FER1L5: variants seen among roughly 807,000 people sequenced by gnomAD.
FER1L5 encodes the protein fer-1-like protein 5.
FER1L5 carries 187 observed loss-of-function variants against 279.9 expected under a neutral mutation model. That is an observed-to-expected ratio of 0.67 (90% confidence interval 0.59 to 0.75). FER1L5 has a LOEUF of 0.75. FER1L5 is among the 30% of genes least tolerant of loss of function. The probability of loss-of-function intolerance (pLI) is 0.00; values close to 1 mark genes in which losing one functional copy is unlikely to be tolerated. For synonymous variants in FER1L5, 921 were observed against 989.7 expected, an observed-to-expected ratio of 0.93 and a Z score of 1.30; for missense variants, 2,091 against 2,594.4, an observed-to-expected ratio of 0.81 and a Z score of 4.21.
intron 45 of FER1L5, among the ~76,000 whole-genome samples, chr2:96,700,680 G>A (rs2077557875): frequency 6.6e-6 from 1 of 152,190 alleles, no homozygotes; most frequent in Non-Finnish European, 1.5e-5. Context: ...TTCAGAGCTG[G>A]AAAGGTCATC....
chr2:96,698,434 G>A lies in FER1L5; in HGVS notation c.4357-237G>A, dbSNP rs143253130. Among the ~76,000 whole-genome samples, 15 of 152,172 alleles carry A rather than the reference G, an allele frequency of 9.9e-5. No homozygotes were observed. The highest frequency in any genetic ancestry group is 2.6e-4 in the African/African-American group (11 of 41,528). On this transcript the variant is annotated intron_variant, in intron 40 of 52. Coordinates refer to ENST00000624922, the MANE Select transcript of FER1L5 (RefSeq NM_001293083.2). The surrounding 1 kb of genome is among the most constrained non-coding windows in gnomAD (Gnocchi z 5.5). ...AGATGGGGTGGAATGAGTCCACAGC[G>A]GCACAGACGGGGAACTCACCTACTG...
intron 18 of FER1L5, among the ~76,000 whole-genome samples, chr2:96,671,599 A>G (rs2076332054): frequency 6.6e-6 from 1 of 152,366 alleles, no homozygotes; most frequent in South Asian, 2.1e-4. Context: ...GGAGCCTACT[A>G]GACACAGGGA....
At chr2:96,692,548 C>T (rs889421962) in intron 31 of FER1L5, among the ~76,000 whole-genome samples, 1 of 152,166 alleles carries the variant, frequency 6.6e-6, no homozygotes, top group African/African-American at 2.4e-5. Context: ...GGCCACTTAG[C>T]TGGGCATGGA....
At chr2:96,684,816 G>A (rs1292587163) in intron 20 of FER1L5, among the ~76,000 whole-genome samples, 2 of 152,126 alleles carry the variant, frequency 1.3e-5, no homozygotes, top group African/African-American at 2.4e-5. Flanking sequence ...ACATCAGCAG[G>A]GTTTTGAAGA....
chr2:96,666,962 C>T (rs2076147959), intron 14 of FER1L5, among the ~76,000 whole-genome samples: 1 of 151,976 alleles, frequency 6.6e-6, no homozygotes, highest in African/African-American at 2.4e-5. Flanking sequence ...TCTTTTCTTT[C>T]TTTCTTTTTA....
intron 18 of FER1L5, among the ~76,000 whole-genome samples, chr2:96,671,999 T>G (rs1446307683): frequency 6.6e-6 from 1 of 151,062 alleles, no homozygotes; most frequent in Admixed American, 6.6e-5. Flanking sequence ...CTTGGGAGGC[T>G]GAGATAGGAG....
At chr2:96,671,125 A>AAAAAAAAAAAAAAT (rs2076314232) in intron 18 of FER1L5, among the ~76,000 whole-genome samples, 1 of 150,546 alleles carries the variant, frequency 6.6e-6, no homozygotes, top group Non-Finnish European at 1.5e-5. Flanking sequence ...AAAAAAAAAA[A>AAAAAAAAAAAAAAT]AAAGGAATCC....
At chr2:96,699,003 C>T (rs1179587183) in intron 41 of FER1L5, 42 bp from the exon 42 acceptor site, 3 of 1,571,530 alleles carry the variant, frequency 1.9e-6, no homozygotes, top group South Asian at 2.3e-5. Context: ...CCTGGACGGC[C>T]TCCCCAGTTC....
intron 9 of FER1L5, among the ~76,000 whole-genome samples, chr2:96,655,455 A>G (rs752695316): frequency 6.6e-6 from 1 of 152,216 alleles, no homozygotes. Flanking sequence ...ACGTATGTGT[A>G]TTAAGAAAGT....
intron 9 of FER1L5, among the ~76,000 whole-genome samples, chr2:96,659,935 A>G (rs2075894777): frequency 1.3e-5 from 2 of 152,188 alleles, no homozygotes; most frequent in South Asian, 2.1e-4. Flanking sequence ...GTCAGAAACT[A>G]TCTCCAAGGG....
At position 96,673,227 on chromosome 2, in the gene FER1L5, A is replaced by T. The variant is rs1164223109; in HGVS notation, c.1642A>T (p.Thr548Ser). The T allele has an allele frequency of 6.4e-7, 1 of 1,551,602 alleles. No individual in the cohort carries two copies. The highest frequency in any genetic ancestry group is 8.7e-7 in the Non-Finnish European group (1 of 1,146,942). The change falls in exon 19 of 53, where the codon ACA becomes TCA. Residue 548 changes from threonine to serine, a missense_variant. Physicochemically the swap from Thr to Ser is moderately conservative, Grantham distance 58. Transcript: ENST00000624922. ...DLNYKPLVSS[T>S]PYSPVIYDGN... ...GAATTACAAGCCTCTAGTCTCAAGC[A>T]CACCGTACAGCCCAGTGATATATGA...
chr2:96,693,972 A>T lies in FER1L5; in HGVS notation c.3536A>T (p.Asp1179Val). 1 of 1,551,622 alleles carries T rather than the reference A, an allele frequency of 6.4e-7. No individual in the cohort carries two copies. ...CCAATGGTCTGGCTGGATCTCCAGGACCGGATCCTGCCCCCCATGAGGTGG... is the reference window on the plus strand; with the variant it reads ...CCAATGGTCTGGCTGGATCTCCAGGTCCGGATCCTGCCCCCCATGAGGTGG... ...WPPMVWLDLQ[D>V]RILPPMRWHP... is the part of the protein sequence containing the mutation. The change falls in exon 33 of 53, where the codon GAC becomes GTC. Residue 1179 changes from aspartate to valine, a missense_variant. Transcript: ENST00000624922.
chr2:96,650,138 G>T, intron 5 of FER1L5, 42 bp from the exon 6 acceptor site: 1 of 1,467,240 alleles, frequency 6.8e-7, no homozygotes, highest in East Asian at 2.5e-5. Context: ...AAACCTCCTG[G>T]GCCCCAGGCC....
Position 96,691,260 on chromosome 2 carries a change from C to A in FER1L5, c.2814C>A (p.Tyr938Ter), listed in dbSNP as rs1310097596. Residue 938 changes from tyrosine to a stop codon, truncating the protein, a stop_gained, in exon 28 of 53, where the codon TAC becomes TAA. Transcript: ENST00000624922. LOFTEE classifies it high-confidence loss of function. The surrounding 1 kb of genome is among the most constrained non-coding windows in gnomAD (Gnocchi z 6.0). ...TCTGGAGCCCGGTGGAGAAGACCTA[C>A]CACTCGTGCCGCCGCCGGCGCTGGG... is the stretch of plus-strand genomic sequence containing the variant. ...PQVWSPVEKTYHSCRRRRWAR... is the reference protein window; with the variant it reads ...PQVWSPVEKT The A allele has an allele frequency of 6.4e-7, 1 of 1,550,502 alleles. No homozygotes were observed. The highest frequency in any genetic ancestry group is 8.7e-7 in the Non-Finnish European group (1 of 1,146,890).
At chr2:96,653,489 G>T in intron 7 of FER1L5, 151 bp from the exon 8 acceptor site, 1 of 645,960 alleles carries the variant, frequency 1.5e-6, no homozygotes, top group South Asian at 1.8e-5. Flanking sequence ...CAGATTTTTG[G>T]ATTAGGAATA....
rs138990767 is a variant in FER1L5, at chr2:96,704,655, G to C, written c.6137G>C (p.Ser2046Thr). ...CACCCAGGACCCACAAATCACCTGA[G>C]TGATATTTTCCCAGAACTTCCAGCC... ...KLHPGPTNHL[S>T]DIFPELPAPG... Residue 2046 changes from serine (S) to threonine (T), a missense_variant, in exon 53 of 53, where the codon AGT (serine) becomes ACT (threonine). Ser to Thr is a moderately conservative substitution (Grantham distance 58). Coordinates refer to ENST00000624922, the MANE Select transcript of FER1L5 (RefSeq NM_001293083.2). The C allele has an allele frequency of 3.1e-6, 5 of 1,614,000 alleles. No homozygotes were observed. The African/African-American group carries it at 5.3e-5, about 17-fold the overall frequency.
intron 14 of FER1L5, 62 bp downstream of exon 14, chr2:96,663,569 G>A: frequency 6.5e-7 from 1 of 1,533,130 alleles, no homozygotes; most frequent in South Asian, 1.2e-5. Context: ...GGGAAGTTTG[G>A]ATGATTGTGT....
chr2:96,686,031 G>A lies in FER1L5; in HGVS notation c.1987G>A (p.Ala663Thr), dbSNP rs1573917425. Residue 663 changes from alanine to threonine, a missense_variant, in exon 22 of 53, where the codon GCC becomes ACC. Transcript: ENST00000624922. Reference sequence around the variant, plus strand: ...CCGCAGCCTCCTCCTGCAGGAACTGGCCCAAAAGGCCAAGCAAGCCAAGCC... The same window carrying A: ...CCGCAGCCTCCTCCTGCAGGAACTGACCCAAAAGGCCAAGCAAGCCAAGCC... ...QLRSLLLQELAQKAKQAKPKD... is the reference protein window; with the variant it reads ...QLRSLLLQELTQKAKQAKPKD... 6.4e-7 allele frequency: 1 copy of A among 1,551,596 alleles called. No homozygotes were observed. The highest frequency in any genetic ancestry group is 2.4e-5 in the East Asian group (1 of 40,922).
chr2:96,670,642 T>C (rs955740297), intron 18 of FER1L5, among the ~76,000 whole-genome samples: 18 of 150,720 alleles, frequency 1.2e-4, no homozygotes, highest in South Asian at 2.1e-4. Context: ...AAAATGTAGC[T>C]GGGCATGGTG....
Sources: allele counts gnomAD v4.1 joint callset (sites outside exome capture counted in the v4.1 genomes callset), GRCh38; gene constraint gnomAD v4.1.1; non-coding constraint Gnocchi (gnomAD v3.1); transcripts MANE v1.5; gene names NCBI Gene and HGNC (gene_info 2026-07-23, HGNC 2026-07-21).